ARHGEF18: variants seen among roughly 807,000 people sequenced by gnomAD.
ARHGEF18 encodes Rho/Rac guanine nucleotide exchange factor 18.
ARHGEF18 carries 93 observed loss-of-function variants against 155.7 expected under a neutral mutation model. The observed-to-expected ratio is 0.60, with a 90% CI of 0.50 to 0.71. The LOEUF is 0.71. ARHGEF18 is among the 30% of genes least tolerant of loss of function. The probability of loss-of-function intolerance (pLI) is 0.00; values close to 1 mark genes in which losing one functional copy is unlikely to be tolerated. For synonymous variants in ARHGEF18, 742 were observed against 753.1 expected, an observed-to-expected ratio of 0.99 and a Z score of 0.24; for missense variants, 1,593 against 1,816.1, an observed-to-expected ratio of 0.88 and a Z score of 2.23.
At chr19:7,369,527 G>A (rs922723522) in intron 2 of ARHGEF18, among the ~76,000 whole-genome samples, 2 of 151,440 alleles carry the variant, frequency 1.3e-5, no homozygotes, top group Non-Finnish European at 2.9e-5. Flanking sequence ...GGCTGGGCAC[G>A]GTGGCTCATG....
chr19:7,454,219 C>G (rs1975689008), intron 17 of ARHGEF18, among the ~76,000 whole-genome samples: 1 of 149,380 alleles, frequency 6.7e-6, no homozygotes, highest in Non-Finnish European at 1.5e-5. Flanking sequence ...TTGGTGGGTT[C>G]CCTCTTGAAT....
chr19:7,466,299 C>T (rs10424478), intron 23 of ARHGEF18, among the ~76,000 whole-genome samples: 2 of 147,250 alleles, frequency 1.4e-5, no homozygotes, highest in Non-Finnish European at 3.0e-5. Context: ...AGGAGAATCA[C>T]TTGAACCAGG....
At chr19:7,477,570 G>A in the ARHGEF18 span, 107 of 709,896 alleles carry the variant, frequency 1.5e-4, no homozygotes, top group Non-Finnish European at 2.2e-4. Context: ...GACTGAGGTG[G>A]CCTCCCTGAC....
chr19:7,387,187 C>T (rs778605540), intron 10 of ARHGEF18, among the ~76,000 whole-genome samples: 1 of 152,094 alleles, frequency 6.6e-6, no homozygotes, highest in Non-Finnish European at 1.5e-5. Context: ...GAGTCTCACT[C>T]TGTTGCCCAG....
chr19:7,397,712 A>G (rs1971797368), intron 10 of ARHGEF18, among the ~76,000 whole-genome samples: 2 of 151,786 alleles, frequency 1.3e-5, no homozygotes, highest in South Asian at 4.2e-4. Flanking sequence ...CAGCCTGGGC[A>G]ACAGAACGAG....
intron 8 of ARHGEF18, 141 bp from the exon 9 acceptor site, chr19:7,382,651 A>G: frequency 9.3e-6 from 4 of 430,076 alleles, no homozygotes; most frequent in Non-Finnish European, 1.2e-5. Flanking sequence ...GGAAGGAGGA[A>G]GTCAAGGGCC....
At chr19:7,451,128 A>T (rs778933506) in intron 15 of ARHGEF18, 21 bp from the exon 16 acceptor site, 1 of 1,529,676 alleles carries the variant, frequency 6.5e-7, no homozygotes, top group Non-Finnish European at 8.8e-7. Context: ...TTAATACAGG[A>T]TCTTGCTTTC....
intron 10 of ARHGEF18, among the ~76,000 whole-genome samples, chr19:7,434,842 T>G (rs1363180729): frequency 6.6e-6 from 1 of 152,194 alleles, no homozygotes; most frequent in South Asian, 2.1e-4. Flanking sequence ...TGCACCCATT[T>G]AAGAGTACAA....
At position 7,362,155 on chromosome 19, in the gene ARHGEF18, GAGGAGAAGA is replaced by G. The variant is rs879464103; in HGVS notation, c.-110-587_-110-579del. ...GGAGAAGGAGAAGGAGAAGGAGAAGGAGGAGAAGAAGGAGAAGAAGGAGAAGAAGGAGAA... is the reference window on the plus strand; with the variant it reads ...GGAGAAGGAGAAGGAGAAGGAGAAGGAGGAGAAGAAGGAGAAGAAGGAGAA... On this transcript the variant is annotated intron_variant, in intron 1 of 28. Transcript: ENST00000668164. Among the ~76,000 whole-genome samples the G allele has an allele frequency of 2.1e-3, 79 of 37,636 alleles. 8 individuals are homozygous for G. Among genetic ancestry groups the G allele is most frequent in the East Asian group, 1.8e-3 (2 of 1,118 alleles). The allele number at this position is 37,636 out of a possible 152,430, so 24.7% of individuals were successfully genotyped here.
intron 10 of ARHGEF18, among the ~76,000 whole-genome samples, chr19:7,399,149 C>T (rs77782056): frequency 0.013 from 1,941 of 152,220 alleles, 37 homozygotes; most frequent in African/African-American, 0.041. Context: ...CCCCCTGAGA[C>T]GGTCAAGAAC....
At chr19:7,394,436 G>GC (rs1282817224) in intron 10 of ARHGEF18, among the ~76,000 whole-genome samples, 3 of 151,874 alleles carry the variant, frequency 2.0e-5, no homozygotes, top group African/African-American at 7.2e-5. Flanking sequence ...CACTGGGAGT[G>GC]CCCCCCTTAG....
Position 7,472,013 on chromosome 19 carries a change from A to C in ARHGEF18, c.*1715A>C, listed in dbSNP as rs1456421878. ...ACTGAGTATCGGAGCACTTTACAGAAGCTGACTGTACATTCCTGTTCTGTT... is the reference window on the plus strand; with the variant it reads ...ACTGAGTATCGGAGCACTTTACAGACGCTGACTGTACATTCCTGTTCTGTT... On this transcript the variant is annotated 3_prime_UTR_variant, in exon 29 of 29. Transcript: ENST00000668164. The C allele has an allele frequency of 6.6e-6, 1 of 152,138 alleles. No homozygotes were observed. The highest frequency in any genetic ancestry group is 1.5e-5 in the Non-Finnish European group (1 of 68,046). 9.4% of individuals were successfully genotyped at this position (152,138 alleles called of 1,614,324 possible). A position where few individuals can be genotyped will look rare whatever the true frequency, so the allele number is the denominator to read the frequency against.
chr19:7,438,557 A>T (rs1974419430), intron 10 of ARHGEF18, among the ~76,000 whole-genome samples: 1 of 151,884 alleles, frequency 6.6e-6, no homozygotes, highest in South Asian at 2.1e-4. Flanking sequence ...TTTTACAGGC[A>T]TGTGCCACCA....
rs139460914 is a variant in ARHGEF18, at chr19:7,443,548, C to T, written c.1361-656C>T. 2.0e-5 allele frequency among the ~76,000 whole-genome samples: 3 copies of T among 152,270 alleles called. No homozygotes were observed. In the East Asian group the frequency reaches 5.8e-4, roughly 29 times the overall value. Reference sequence around the variant, plus strand: ...ACCAGTCCCACCATGAGGTTCTCTCCCCTTAGGACCTCATCACCTTCCAAG... The same window carrying T: ...ACCAGTCCCACCATGAGGTTCTCTCTCCTTAGGACCTCATCACCTTCCAAG... On this transcript the variant is annotated intron_variant, in intron 13 of 28. Coordinates refer to ENST00000668164, the MANE Select transcript of ARHGEF18 (RefSeq NM_001367823.1).
chr19:7,351,644 C>A (rs76617145), intron 1 of ARHGEF18, among the ~76,000 whole-genome samples: 6 of 150,212 alleles, frequency 4.0e-5, no homozygotes, highest in African/African-American at 1.5e-4. Context: ...CTTAAGGATC[C>A]CATCCAGCCA....
At position 7,468,929 on chromosome 19, in the gene ARHGEF18, C is replaced by G. The variant is rs368207061; in HGVS notation, c.3585C>G (p.Pro1195=). 4.0e-4 allele frequency: 623 copies of G among 1,575,818 alleles called. 4 individuals are homozygous for G. Among genetic ancestry groups the G allele is most frequent in the Non-Finnish European group, 1.5e-5 (17 of 1,161,844 alleles). The change falls in exon 27 of 29, where the codon CCC becomes CCG. Residue 1195 remains proline, a synonymous_variant. Transcript: ENST00000668164. ...SGVGPEYAER[P]EVARRDSAPT... ...TGGGGCCAGAGTACGCAGAGCGCCC[C>G]GAGGTGGCTCGCCGGGACAGCGCCC...
chr19:7,450,979 A>T (rs1427176029), intron 15 of ARHGEF18, among the ~76,000 whole-genome samples, 170 bp from the exon 16 acceptor site: 3 of 152,006 alleles, frequency 2.0e-5, no homozygotes, highest in African/African-American at 4.8e-5. Flanking sequence ...CGTTTCCGAG[A>T]TGTTAATGCA....
At chr19:7,450,705 A>C (rs1975358405) in intron 15 of ARHGEF18, among the ~76,000 whole-genome samples, 2 of 152,286 alleles carry the variant, frequency 1.3e-5, no homozygotes, top group Admixed American at 6.5e-5. Flanking sequence ...TCCGTTTCCG[A>C]GATGTTAATG....
intron 10 of ARHGEF18, among the ~76,000 whole-genome samples, chr19:7,393,500 TGCCTGGCCATGGGGAGATCTTCTAG>T (rs1971521356): frequency 6.6e-6 from 1 of 152,156 alleles, no homozygotes; most frequent in Non-Finnish European, 1.5e-5. Flanking sequence ...TGAGCCGTCT[TGCCTGGCCATGGGGAGATCTTCTAG>T]GCCTGGCTGA....
Sources: allele counts gnomAD v4.1 joint callset (sites outside exome capture counted in the v4.1 genomes callset), GRCh38; gene constraint gnomAD v4.1.1; transcripts MANE v1.5; gene names NCBI Gene and HGNC (gene_info 2026-07-23, HGNC 2026-07-21).